IFFO2: variants seen among roughly 807,000 people sequenced by gnomAD.
IFFO2 encodes intermediate filament family orphan 2.
IFFO2 carries 19 observed loss-of-function variants against 53.5 expected under a neutral mutation model. That is an observed-to-expected ratio of 0.36 (90% CI 0.25 to 0.52). The LOEUF (loss-of-function observed/expected upper bound fraction) is 0.52, where lower values mean the gene tolerates loss of function less well. Ranked by LOEUF, IFFO2 falls within the 20% of genes least tolerant of loss-of-function variation. The pLI, the probability that IFFO2 is intolerant of heterozygous loss-of-function variation, is 0.94. For synonymous variants in IFFO2, 303 were observed against 313.6 expected (o/e 0.97, Z 0.36); for missense variants, 570 against 727.4 (o/e 0.78, Z 2.49).
intron 1 of IFFO2, among the ~76,000 whole-genome samples, chr1:18,934,053 A>ATTTT (rs1936413729): frequency 2.5e-4 from 12 of 47,752 alleles, no homozygotes; most frequent in East Asian, 5.8e-4. Flanking sequence ...TATTTCTCTT[A>ATTTT]TTTCTTTTTT....
At chr1:18,934,057 CTTTTTTTTTTTTTTT>C (rs71577808) in intron 1 of IFFO2, among the ~76,000 whole-genome samples, 2 of 70,330 alleles carry the variant, frequency 2.8e-5, no homozygotes, top group Non-Finnish European at 5.1e-5. Context: ...TCTCTTATTT[CTTTTTTTTTTTTTTT>C]TTTTTTTTTT....
chr1:18,915,793 G>A (rs904922572), intron 5 of IFFO2, among the ~76,000 whole-genome samples: 4 of 152,166 alleles, frequency 2.6e-5, no homozygotes, highest in African/African-American at 9.7e-5. Flanking sequence ...CCCACCAAGG[G>A]AAACTAGTGC....
At position 18,912,018 on chromosome 1, in the gene IFFO2, A is replaced by G; in HGVS notation, c.1169T>C (p.Leu390Pro). 6.4e-7 allele frequency: 1 copy of G among 1,551,828 alleles called. No homozygotes were observed. The highest frequency in any genetic ancestry group is 8.7e-7 in the Non-Finnish European group (1 of 1,147,002). The part of the protein sequence containing the change: ...SLTWEENEDT[L>P]LLWEDFTNCN... ...GTTGGTGAAATCCTCCCAGAGCAGCAGCGTGTCTTCATTCTCTTCCCACGT... is the reference window on the plus strand; with the variant it reads ...GTTGGTGAAATCCTCCCAGAGCAGCGGCGTGTCTTCATTCTCTTCCCACGT... The change falls in exon 6 of 9, where the codon CTG becomes CCG. Residue 390 changes from leucine to proline, a missense_variant. Coordinates refer to ENST00000455833, the MANE Select transcript of IFFO2 (RefSeq NM_001136265.2).
intron 1 of IFFO2, among the ~76,000 whole-genome samples, chr1:18,940,522 C>G (rs1463215798): frequency 1.3e-5 from 2 of 151,222 alleles, no homozygotes; most frequent in Non-Finnish European, 2.9e-5. Flanking sequence ...AGCACCGTGG[C>G]CCAGAAAAGG....
chr1:18,918,237 CCT>C lies in IFFO2; in HGVS notation c.963+123_963+124del. ...GAGGCCACAGGGTCAGGTAGTGCTA[CCT>C]CTCGGGGAAGGGGAGGGAGTGAGTG... On this transcript the variant is annotated intron_variant, in intron 4 of 8. Coordinates refer to ENST00000455833, the MANE Select transcript of IFFO2 (RefSeq NM_001136265.2). The surrounding 1 kb of genome is among the most constrained non-coding windows in gnomAD (Gnocchi z 5.2). 1.1e-6 allele frequency: 1 copy of C among 890,706 alleles called. No individual in the cohort carries two copies. The highest frequency in any genetic ancestry group is 1.7e-5 in the South Asian group (1 of 60,526). 55.2% of individuals were successfully genotyped at this position (890,706 alleles called of 1,614,324 possible).
chr1:18,946,182 C>G (rs1480471075), intron 1 of IFFO2, among the ~76,000 whole-genome samples: 1 of 152,200 alleles, frequency 6.6e-6, no homozygotes, highest in Non-Finnish European at 1.5e-5. Context: ...TTGGTCCCCA[C>G]AGGCACTCCG....
At position 18,907,179 on chromosome 1, in the gene IFFO2, A is replaced by T. The variant is rs1402214595; in HGVS notation, c.*1382T>A. 7 of 152,226 alleles carry T rather than the reference A, an allele frequency of 4.6e-5. No individual in the cohort carries two copies. The highest frequency in any genetic ancestry group is 1.0e-4 in the Non-Finnish European group (7 of 68,040). The allele number at this position is 152,226 out of a possible 1,614,324, so 9.4% of individuals were successfully genotyped here. On this transcript the variant is annotated 3_prime_UTR_variant, in exon 9 of 9. Coordinates refer to ENST00000455833, the MANE Select transcript of IFFO2 (RefSeq NM_001136265.2). ...GCAACAGACCCACTGCAGTAGGCTT[A>T]AAAAATAATAATAAAGCAAAGCCTG...
chr1:18,912,719 A>G (rs1421634228), intron 5 of IFFO2, among the ~76,000 whole-genome samples: 1 of 152,176 alleles, frequency 6.6e-6, no homozygotes, highest in Non-Finnish European at 1.5e-5. Context: ...CAATCCTATG[A>G]GGTAAGCATA....
At chr1:18,953,375 CAT>C (rs1936682054) in intron 1 of IFFO2, among the ~76,000 whole-genome samples, 1 of 152,180 alleles carries the variant, frequency 6.6e-6, no homozygotes, top group Non-Finnish European at 1.5e-5. Flanking sequence ...ATACCCAAAA[CAT>C]ACTACTAACA....
intron 1 of IFFO2, among the ~76,000 whole-genome samples, chr1:18,952,176 T>C (rs1384510788): frequency 6.6e-6 from 1 of 152,212 alleles, no homozygotes; most frequent in Admixed American, 6.5e-5. Flanking sequence ...GATATTTTAG[T>C]GGCCCTGGGT....
intron 2 of IFFO2, 89 bp downstream of exon 2, chr1:18,920,972 T>A: frequency 8.5e-7 from 1 of 1,182,586 alleles, no homozygotes; most frequent in Non-Finnish European, 1.2e-6. Context: ...GTGCAAGAAT[T>A]TCCTGGCTTT....
Position 18,906,497 on chromosome 1 carries a change from G to A in IFFO2, c.*2064C>T, listed in dbSNP as rs1935950691. On this transcript the variant is annotated 3_prime_UTR_variant, in exon 9 of 9. Transcript: ENST00000455833. ...CCAATGCCTCCCTCGGCCCTGGACGGAGGAGACCCACGAGGGTGGATGTTT... is the reference window on the plus strand; with the variant it reads ...CCAATGCCTCCCTCGGCCCTGGACGAAGGAGACCCACGAGGGTGGATGTTT... 1 of 152,230 alleles carries A rather than the reference G, an allele frequency of 6.6e-6. No individual in the cohort carries two copies. The highest frequency in any genetic ancestry group is 1.5e-5 in the Non-Finnish European group (1 of 68,046). 9.4% of individuals were successfully genotyped at this position (152,230 alleles called of 1,614,324 possible).
At chr1:18,939,779 G>C (rs1342720189) in intron 1 of IFFO2, among the ~76,000 whole-genome samples, 1 of 152,184 alleles carries the variant, frequency 6.6e-6, no homozygotes, top group Non-Finnish European at 1.5e-5. Context: ...TAAACAAAGG[G>C]GGAAATGAAG....
chr1:18,948,475 G>T (rs1936618690), intron 1 of IFFO2, among the ~76,000 whole-genome samples: 1 of 152,238 alleles, frequency 6.6e-6, no homozygotes, highest in African/African-American at 2.4e-5. Flanking sequence ...GGACCCTCCA[G>T]AGAACCAGGC....
rs567616888 is a variant in IFFO2, at chr1:18,917,557, G to A, written c.964-515C>T. On this transcript the variant is annotated intron_variant, in intron 4 of 8. Transcript: ENST00000455833. This position sits in a 1 kb window ranked among gnomAD's most constrained non-coding sequence, Gnocchi z 5.9. ...GCTGCGTTGGCCTCCCCTGCTTCCC[G>A]GCAGAGGGACAGCAAGAAGGCATGG... Among the ~76,000 whole-genome samples, 6 of 152,292 alleles carry A rather than the reference G, an allele frequency of 3.9e-5. No homozygotes were observed. In the South Asian group the frequency reaches 8.3e-4, roughly 21 times the overall value.
rs1936601984 is a variant in IFFO2, at chr1:18,947,222, A to C, written c.665+8446T>G. 6.6e-6 allele frequency among the ~76,000 whole-genome samples: 1 copy of C among 152,224 alleles called. No individual in the cohort carries two copies. Among genetic ancestry groups the C allele is most frequent in the Non-Finnish European group, 1.5e-5 (1 of 68,036 alleles). On this transcript the variant is annotated intron_variant, in intron 1 of 8. Coordinates refer to ENST00000455833, the MANE Select transcript of IFFO2 (RefSeq NM_001136265.2). The surrounding 1 kb of genome is among the most constrained non-coding windows in gnomAD (Gnocchi z 5.0). ...AGTTCACAGCACTGACTGAAAGCAA[A>C]AGCTAGGGATACTCCAGCCCAGGGC...
chr1:18,913,335 G>T (rs957031369), intron 5 of IFFO2, among the ~76,000 whole-genome samples: 2 of 152,270 alleles, frequency 1.3e-5, no homozygotes, highest in African/African-American at 2.4e-5. Context: ...CGTGTGGCCC[G>T]GAGCCGCCAG....
At chr1:18,920,695 C>A (rs1936204283) in intron 2 of IFFO2, among the ~76,000 whole-genome samples, 1 of 152,180 alleles carries the variant, frequency 6.6e-6, no homozygotes, top group Non-Finnish European at 1.5e-5. Context: ...ACCGAGGGCA[C>A]CCTTCTTGCT....
At chr1:18,943,375 G>T (rs1936544786) in intron 1 of IFFO2, among the ~76,000 whole-genome samples, 1 of 151,978 alleles carries the variant, frequency 6.6e-6, no homozygotes. Context: ...GCAAGACCCT[G>T]TCTTAAAAAA....
Sources: gnomAD v4.1 joint callset for allele counts (sites outside exome capture counted in the v4.1 genomes callset) on GRCh38, gnomAD v4.1.1 for gene constraint, Gnocchi (gnomAD v3.1) non-coding constraint, MANE v1.5 for transcripts, NCBI Gene and HGNC (gene_info 2026-07-23, HGNC 2026-07-21) for gene names.